GON7: variants seen among roughly 807,000 people sequenced by gnomAD.
GON7 encodes the protein EKC/KEOPS complex subunit GON7.
In GON7, 2 loss-of-function variants were observed where a neutral mutation model predicts 7.6. That is an observed-to-expected ratio of 0.26 (90% CI 0.11 to 0.83). The LOEUF (loss-of-function observed/expected upper bound fraction) is 0.83. GON7 is among the 40% of genes least tolerant of loss of function. The pLI, the probability that GON7 is intolerant of heterozygous loss-of-function variation, is 0.65. For synonymous variants in GON7, 54 were observed against 56.6 expected (o/e 0.95, Z 0.20); for missense variants, 121 against 132.2 (o/e 0.92, Z 0.42).
intron 1 of GON7, among the ~76,000 whole-genome samples, chr14:93,204,689 A>T (rs1595261323): frequency 2.0e-5 from 3 of 152,338 alleles, no homozygotes; most frequent in East Asian, 3.9e-4. Flanking sequence ...ACTTAGCATA[A>T]TGTTTTCAAG....
In GON7 at chr14:93,206,855, C is replaced by T; in HGVS notation, c.183G>A (p.Ala61=). 1 of 1,614,082 alleles carries T rather than the reference C, an allele frequency of 6.2e-7. No homozygotes were observed. The highest frequency in any genetic ancestry group is 8.5e-7 in the Non-Finnish European group (1 of 1,180,024). The change falls in exon 1 of 2, where the codon GCG becomes GCA. Residue 61 remains alanine (A), a synonymous_variant. Transcript: ENST00000306954. ...LVQGEVQHRV[A]AAPDEDLDGD... is the part of the protein sequence containing the mutation. ...CGTCCAAGTCCTCGTCTGGAGCCGCCGCCACCCGGTGCTGCACTTCCCCCT... is the reference window on the plus strand; with the variant it reads ...CGTCCAAGTCCTCGTCTGGAGCCGCTGCCACCCGGTGCTGCACTTCCCCCT...
Position 93,206,834 on chromosome 14 carries a change from C to T in GON7, c.204G>A (p.Leu68=). The change falls in exon 1 of 2, where the codon TTG becomes TTA. Residue 68 remains leucine, a synonymous_variant. Coordinates refer to ENST00000306954, the MANE Select transcript of GON7 (RefSeq NM_032490.5). ...HRVAAAPDED[L]DGDDEDDAED... ...CAGCACCGTCTCAGAGCTCACCGTCCAAGTCCTCGTCTGGAGCCGCCGCCA... is the reference window on the plus strand; with the variant it reads ...CAGCACCGTCTCAGAGCTCACCGTCTAAGTCCTCGTCTGGAGCCGCCGCCA... 6.2e-7 allele frequency: 1 copy of T among 1,613,558 alleles called. No individual in the cohort carries two copies. Among genetic ancestry groups the T allele is most frequent in the East Asian group, 2.2e-5 (1 of 44,866 alleles).
rs1158974544 is a variant in GON7, at chr14:93,203,658, G to GCC, written c.*28_*29dup. The GCC allele has an allele frequency of 6.4e-7, 1 of 1,573,056 alleles. No individual in the cohort carries two copies. Among genetic ancestry groups the GCC allele is most frequent in the Non-Finnish European group, 8.7e-7 (1 of 1,143,064 alleles). Reference sequence around the variant, plus strand: ...CTAGTGTGACAATAAGGATACAACAGCCATCTTTTAAATGTCATGAAGGCT... The same window carrying GCC: ...CTAGTGTGACAATAAGGATACAACAGCCCCATCTTTTAAATGTCATGAAGGCT... On this transcript the variant is annotated 3_prime_UTR_variant, in exon 2 of 2. Transcript: ENST00000306954.
At chr14:93,204,257 G>A (rs566252793) in intron 1 of GON7, among the ~76,000 whole-genome samples, 2 of 152,260 alleles carry the variant, frequency 1.3e-5, no homozygotes, top group South Asian at 2.1e-4. Context: ...GCCTCCCAAA[G>A]TGCTGGGATT....
At chr14:93,204,143 G>A (rs553992978) in intron 1 of GON7, among the ~76,000 whole-genome samples, 41 of 152,110 alleles carry the variant, frequency 2.7e-4, no homozygotes, top group African/African-American at 9.6e-4. Flanking sequence ...TTACAGGCAC[G>A]CGCTACCACG....
intron 1 of GON7, among the ~76,000 whole-genome samples, chr14:93,206,102 T>C (rs1439985435): frequency 6.6e-6 from 1 of 151,408 alleles, no homozygotes; most frequent in Non-Finnish European, 1.5e-5. Context: ...GCCTCCAGGG[T>C]TCAAGCGATT....
At position 93,203,878 on chromosome 14, in the gene GON7, G is replaced by A. The variant is rs1022448149; in HGVS notation, c.209-96C>T. 70 of 780,976 alleles carry A rather than the reference G, an allele frequency of 9.0e-5. No individual in the cohort carries two copies. The African/African-American group carries it at 1.2e-3, about 13-fold the overall frequency. 48.4% of individuals were successfully genotyped at this position (780,976 alleles called of 1,614,324 possible). A position where few individuals can be genotyped will look rare whatever the true frequency, so the allele number is the denominator to read the frequency against. On this transcript the variant is annotated intron_variant, in intron 1 of 1. Coordinates refer to ENST00000306954, the MANE Select transcript of GON7 (RefSeq NM_032490.5). The stretch of plus-strand genomic sequence containing the variant: ...TTGATAATGAGACCATTTCACTTTA[G>A]GGATTAATAAAACCTGCACATTTTA...
rs909570205 is a variant in GON7 at position 93,203,181 on chromosome 14, T to C, written c.*507A>G. 3 of 152,956 alleles carry C rather than the reference T, an allele frequency of 2.0e-5. No homozygotes were observed. The highest frequency in any genetic ancestry group is 7.2e-5 in the African/African-American group (3 of 41,474). The allele number at this position is 152,956 out of a possible 1,614,324, so 9.5% of individuals were successfully genotyped here. A position where few individuals can be genotyped will look rare whatever the true frequency, so the allele number is the denominator to read the frequency against. The stretch of plus-strand genomic sequence containing the variant: ...TATGAATTCAGGGTTTCCTTGGGTC[T>C]CTTTCAAGGACTCTCCTTTCTCGTC... On this transcript the variant is annotated 3_prime_UTR_variant, in exon 2 of 2. Coordinates refer to ENST00000306954, the MANE Select transcript of GON7 (RefSeq NM_032490.5).
rs1019349033 is a variant in GON7, at chr14:93,203,797, A to G, written c.209-15T>C. 5.0e-6 allele frequency: 8 copies of G among 1,597,072 alleles called. No homozygotes were observed. The African/African-American group carries it at 1.1e-4, about 21-fold the overall frequency. ...TTCATCATCACCTTTTAAAATAAAT[A>G]TTTGTTGTATGACAATACGTTCTAT... On this transcript the variant is annotated splice_polypyrimidine_tract_variant and intron_variant, in intron 1 of 1. Transcript: ENST00000306954.
Position 93,203,638 on chromosome 14 carries a change from G to T in GON7, c.*50C>A. ...ATAAGTCTTCCTTAAATGTCCTAGT[G>T]TGACAATAAGGATACAACAGCCATC... On this transcript the variant is annotated 3_prime_UTR_variant, in exon 2 of 2. Coordinates refer to ENST00000306954, the MANE Select transcript of GON7 (RefSeq NM_032490.5). 6.8e-7 allele frequency: 1 copy of T among 1,468,778 alleles called. No homozygotes were observed. Among genetic ancestry groups the T allele is most frequent in the Non-Finnish European group, 9.5e-7 (1 of 1,049,486 alleles). 91.0% of individuals were successfully genotyped at this position (1,468,778 alleles called of 1,614,324 possible). A position where few individuals can be genotyped will look rare whatever the true frequency, so the allele number is the denominator to read the frequency against.
Position 93,203,525 on chromosome 14 carries a change from C to T in GON7, c.*163G>A. The T allele has an allele frequency of 9.4e-6, 5 of 531,016 alleles. No homozygotes were observed. In the South Asian group the frequency reaches 1.1e-4, roughly 11 times the overall value. 32.9% of individuals were successfully genotyped at this position (531,016 alleles called of 1,614,324 possible). On this transcript the variant is annotated 3_prime_UTR_variant, in exon 2 of 2. Transcript: ENST00000306954. ...AACAGATTTTATTTCTAAGCCTTTA[C>T]TATCTTTGCTAGAAACAGAAAAACC...
rs1311702243 is a variant in GON7 at position 93,203,718 on chromosome 14, T to C, written c.273A>G (p.Pro91=). The C allele has an allele frequency of 1.2e-6, 2 of 1,614,130 alleles. No individual in the cohort carries two copies. Among genetic ancestry groups the C allele is most frequent in the East Asian group, 2.2e-5 (1 of 44,854 alleles). Residue 91 remains proline (P), a synonymous_variant, in exon 2 of 2, where the codon CCA becomes CCG. Transcript: ENST00000306954. Reference sequence around the variant, plus strand: ...ACGGTGTTTTTGGCCGTTTTGCAGATGGTCCATCGAAGTTAGTTCTGTTAT... The same window carrying C: ...ACGGTGTTTTTGGCCGTTTTGCAGACGGTCCATCGAAGTTAGTTCTGTTAT... The part of the protein sequence containing the change: ...NIDNRTNFDG[P]SAKRPKTPS
At chr14:93,206,709 ATTC>A in intron 1 of GON7, 118 bp downstream of exon 1, 3 of 1,130,820 alleles carry the variant, frequency 2.7e-6, no homozygotes, top group Non-Finnish European at 2.5e-6. Flanking sequence ...TTTAGATGCA[ATTC>A]TTCTTTCCTC....
chr14:93,204,414 C>T (rs894309676), intron 1 of GON7, among the ~76,000 whole-genome samples: 7 of 152,144 alleles, frequency 4.6e-5, no homozygotes, highest in African/African-American at 1.4e-4. Flanking sequence ...CATTAGCAGT[C>T]GCTTTCCATT....
intron 1 of GON7, among the ~76,000 whole-genome samples, chr14:93,204,335 A>G (rs1894302297): frequency 6.6e-6 from 1 of 152,220 alleles, no homozygotes; most frequent in Admixed American, 6.5e-5. Context: ...AGTGGTTTTT[A>G]GTATATTCAC....
At position 93,206,904 on chromosome 14, in the gene GON7, G is replaced by C. The variant is rs1284399198; in HGVS notation, c.134C>G (p.Thr45Arg). ...CTGTACCAGAGGGTCGAATAATTCC[G>C]TTACCATGTCCTTCATCTGGGCCAC... Reference protein sequence around the residue: ...SGVAQMKDMVTELFDPLVQGE... With the variant: ...SGVAQMKDMVRELFDPLVQGE... The change falls in exon 1 of 2, where the codon ACG (threonine) becomes AGG (arginine). Residue 45 changes from threonine to arginine, a missense_variant. Physicochemically the swap from Thr to Arg is moderately conservative, Grantham distance 71. Transcript: ENST00000306954. 1 of 1,614,186 alleles carries C rather than the reference G, an allele frequency of 6.2e-7. No individual in the cohort carries two copies.
At chr14:93,204,087 C>T (rs559220450) in intron 1 of GON7, among the ~76,000 whole-genome samples, 4 of 152,268 alleles carry the variant, frequency 2.6e-5, no homozygotes, top group South Asian at 2.1e-4. Flanking sequence ...CCTCCGCCTC[C>T]GGGGTTCAAG....
chr14:93,206,834 C>G lies in GON7; in HGVS notation c.204G>C (p.Leu68Phe). 6.2e-7 allele frequency: 1 copy of G among 1,613,558 alleles called. No homozygotes were observed. Residue 68 changes from leucine (L) to phenylalanine (F), a missense_variant, in exon 1 of 2, where the codon TTG (leucine) becomes TTC (phenylalanine). Coordinates refer to ENST00000306954, the MANE Select transcript of GON7 (RefSeq NM_032490.5). ...HRVAAAPDED[L>F]DGDDEDDAED... ...CAGCACCGTCTCAGAGCTCACCGTC[C>G]AAGTCCTCGTCTGGAGCCGCCGCCA... is the stretch of plus-strand genomic sequence containing the variant.
At chr14:93,203,865 C>T in intron 1 of GON7, 83 bp from the exon 2 acceptor site, 2 of 937,886 alleles carry the variant, frequency 2.1e-6, no homozygotes, top group Non-Finnish European at 3.2e-6. Flanking sequence ...GATAATGAGA[C>T]CATTTCACTT....
Sources: gnomAD v4.1 joint callset for allele counts (sites outside exome capture counted in the v4.1 genomes callset) on GRCh38, gnomAD v4.1.1 for gene constraint, MANE v1.5 for transcripts, NCBI Gene and HGNC (gene_info 2026-07-23, HGNC 2026-07-21) for gene names.